Variants in THSD7B observed in about 807,000 individuals in gnomAD.
THSD7B encodes thrombospondin type-1 domain-containing protein 7B.
Under a neutral mutation model 213.6 loss-of-function variants are expected in THSD7B, and 138 were observed. The ratio of observed to expected loss-of-function variants is 0.65; its 90% CI spans 0.56 to 0.74. The LOEUF (loss-of-function observed/expected upper bound fraction) is 0.74. Among genes scored for constraint, THSD7B ranks in the 30% least tolerant of loss-of-function variants. THSD7B has a pLI of 0.00. For synonymous variants in THSD7B, 742 were observed against 687.0 expected (o/e 1.08, Z -1.25); for missense variants, 1,931 against 1,991.5 (o/e 0.97, Z 0.58).
intron 12 of THSD7B, among the ~76,000 whole-genome samples, chr2:137,351,459 C>A (rs1468346324): frequency 6.6e-6 from 1 of 151,816 alleles, no homozygotes; most frequent in Non-Finnish European, 1.5e-5. Context: ...ATCAGTCTAC[C>A]CAATGGTCCA....
chr2:137,232,815 C>A, intron 8 of THSD7B, 84 bp from the exon 9 acceptor site: 2 of 1,282,130 alleles, frequency 1.6e-6, no homozygotes, highest in Non-Finnish European at 1.1e-6. Flanking sequence ...GCAAAGCTGT[C>A]TCTCTAGACC....
chr2:137,261,367 T>C (rs182455303), intron 10 of THSD7B, among the ~76,000 whole-genome samples: 4 of 152,256 alleles, frequency 2.6e-5, no homozygotes, highest in Admixed American at 2.6e-4. Flanking sequence ...CACTAACCTG[T>C]CTCCCAACTA....
intron 3 of THSD7B, among the ~76,000 whole-genome samples, chr2:137,072,848 T>A (rs1466985263): frequency 6.6e-6 from 1 of 152,204 alleles, no homozygotes; most frequent in Non-Finnish European, 1.5e-5. Flanking sequence ...CTTTTCTGCA[T>A]CTATTGAGAT....
chr2:136,783,632 G>A (rs1681785763), intron 1 of THSD7B, among the ~76,000 whole-genome samples: 1 of 152,066 alleles, frequency 6.6e-6, no homozygotes, highest in Non-Finnish European at 1.5e-5. Context: ...TAAAAGCTAA[G>A]AGCTTCTCCT....
At chr2:137,200,280 T>C (rs1680848997) in intron 7 of THSD7B, among the ~76,000 whole-genome samples, 1 of 152,122 alleles carries the variant, frequency 6.6e-6, no homozygotes, top group Admixed American at 6.6e-5. Flanking sequence ...TGTCAGTGCT[T>C]CTGGAATTAA....
Position 137,112,983 on chromosome 2 carries a change from G to T in THSD7B, c.1200-2141G>T, listed in dbSNP as rs192244920. Among the ~76,000 whole-genome samples the T allele has an allele frequency of 3.2e-4, 49 of 152,300 alleles. 1 individual carries two copies. The East Asian group carries it at 6.9e-3, about 22-fold the overall frequency. ...GCGGTGAAATTCTGATTCAAACCAA[G>T]TTGGTTGGACTCCAAAGCATACTTG... is the stretch of plus-strand genomic sequence containing the variant. On this transcript the variant is annotated intron_variant, in intron 4 of 27. Transcript: ENST00000409968.
intron 15 of THSD7B, among the ~76,000 whole-genome samples, chr2:137,472,084 C>A (rs1688104784): frequency 6.6e-6 from 1 of 152,030 alleles, no homozygotes; most frequent in Non-Finnish European, 1.5e-5. Context: ...AGTTTAAGGC[C>A]TTTGGTTAGT....
chr2:137,178,003 G>A (rs529585377), intron 7 of THSD7B, among the ~76,000 whole-genome samples: 48 of 150,846 alleles, frequency 3.2e-4, no homozygotes, highest in South Asian at 6.3e-4. Context: ...CCTGGGAGGC[G>A]GAGGTTGCAG....
chr2:137,300,513 C>T (rs1176509535), intron 12 of THSD7B, among the ~76,000 whole-genome samples: 1 of 152,032 alleles, frequency 6.6e-6, no homozygotes, highest in Non-Finnish European at 1.5e-5. Flanking sequence ...GTTTTCTATG[C>T]AACTGTTGTG....
At chr2:137,131,318 A>G (rs1440023509) in intron 5 of THSD7B, among the ~76,000 whole-genome samples, 1 of 151,754 alleles carries the variant, frequency 6.6e-6, no homozygotes, top group Admixed American at 6.6e-5. Context: ...ATTTTCTCCC[A>G]TTTTGTAGGT....
chr2:137,338,984 G>A (rs1240676332), intron 12 of THSD7B, among the ~76,000 whole-genome samples: 1 of 152,068 alleles, frequency 6.6e-6, no homozygotes, highest in African/African-American at 2.4e-5. Flanking sequence ...TACTCATAAG[G>A]TGGCATATAA....
At chr2:137,204,344 T>C (rs1680939814) in intron 7 of THSD7B, among the ~76,000 whole-genome samples, 1 of 152,116 alleles carries the variant, frequency 6.6e-6, no homozygotes, top group South Asian at 2.1e-4. Context: ...TGCGTAGTTA[T>C]GGTGAAGAGA....
chr2:136,804,629 T>C (rs1334375833), intron 1 of THSD7B, among the ~76,000 whole-genome samples: 1 of 152,108 alleles, frequency 6.6e-6, no homozygotes, highest in Non-Finnish European at 1.5e-5. Flanking sequence ...ATCCTGTGAA[T>C]TGTTTGAGAG....
chr2:137,041,798 G>A (rs914079392), intron 2 of THSD7B, among the ~76,000 whole-genome samples: 2 of 152,156 alleles, frequency 1.3e-5, no homozygotes, highest in East Asian at 1.9e-4. Context: ...AAAATTGGAA[G>A]CAATGATTAT....
At chr2:137,380,041 G>A (rs2104962292) in intron 12 of THSD7B, among the ~76,000 whole-genome samples, 1 of 152,288 alleles carries the variant, frequency 6.6e-6, no homozygotes, top group Middle Eastern at 3.4e-3. Context: ...AGCTTCAGGT[G>A]GAATATGGGA....
chr2:136,782,258 G>C (rs529124689), intron 1 of THSD7B, among the ~76,000 whole-genome samples: 8 of 152,198 alleles, frequency 5.3e-5, no homozygotes, highest in African/African-American at 1.2e-4. Context: ...CGCTTCTGCT[G>C]CGTTTGTGTA....
chr2:137,140,985 G>T (rs1402069869), intron 5 of THSD7B, among the ~76,000 whole-genome samples: 1 of 152,168 alleles, frequency 6.6e-6, no homozygotes, highest in African/African-American at 2.4e-5. Flanking sequence ...GTAAGGAAGT[G>T]AGACTGTATC....
At chr2:137,126,399 T>A (rs1688628859) in intron 5 of THSD7B, among the ~76,000 whole-genome samples, 1 of 152,210 alleles carries the variant, frequency 6.6e-6, no homozygotes, top group Non-Finnish European at 1.5e-5. Context: ...GCTATTGAGA[T>A]AGCTCCTTTT....
chr2:136,934,616 T>C (rs1297054995), intron 2 of THSD7B, among the ~76,000 whole-genome samples: 2 of 152,146 alleles, frequency 1.3e-5, no homozygotes, highest in Non-Finnish European at 2.9e-5. Flanking sequence ...TAGATGAAGA[T>C]AGACAACTAT....
Sources: allele counts gnomAD v4.1 joint callset (sites outside exome capture counted in the v4.1 genomes callset), GRCh38; gene constraint gnomAD v4.1.1; transcripts MANE v1.5; gene names NCBI Gene and HGNC (gene_info 2026-07-23, HGNC 2026-07-21).